The following AGBL4 variants were observed in gnomAD, a reference collection of about 807,000 sequenced individuals.
AGBL4 encodes cytosolic carboxypeptidase 6.
In AGBL4, 58 loss-of-function variants were observed where a neutral mutation model predicts 66.4. The ratio of observed to expected loss-of-function variants is 0.87; its 90% CI spans 0.71 to 1.09. The LOEUF (loss-of-function observed/expected upper bound fraction) is 1.09, where lower values mean the gene tolerates loss of function less well. Ranked by LOEUF, AGBL4 falls within the 50% of genes least tolerant of loss-of-function variation. The pLI is 0.00. For missense variants in AGBL4, 579 were observed against 631.0 expected (o/e 0.92, Z 0.88); for synonymous variants, 234 against 222.9 (o/e 1.05, Z -0.44).
intron 3 of AGBL4, among the ~76,000 whole-genome samples, chr1:49,500,525 G>C (rs1430822346): frequency 6.6e-6 from 1 of 151,676 alleles, no homozygotes; most frequent in Non-Finnish European, 1.5e-5. Context: ...TTAGATTTAA[G>C]TTTTTGACTC....
intron 11 of AGBL4, among the ~76,000 whole-genome samples, chr1:48,577,687 C>T (rs576475890): frequency 2.5e-4 from 35 of 140,672 alleles, no homozygotes; most frequent in Non-Finnish European, 4.9e-4. Flanking sequence ...GCAGCTCAGC[C>T]GGGCACTGCA....
At chr1:49,673,775 T>C (rs1484684632) in intron 3 of AGBL4, among the ~76,000 whole-genome samples, 2 of 151,878 alleles carry the variant, frequency 1.3e-5, no homozygotes, top group Non-Finnish European at 2.9e-5. Flanking sequence ...AAAATAAAGC[T>C]CACAGATCAG....
intron 1 of AGBL4, among the ~76,000 whole-genome samples, chr1:49,869,695 GCA>G (rs1417284876): frequency 6.6e-6 from 1 of 152,050 alleles, no homozygotes; most frequent in Non-Finnish European, 1.5e-5. Context: ...AACCACCATG[GCA>G]CACGTTTACC....
intron 5 of AGBL4, among the ~76,000 whole-genome samples, chr1:48,909,323 T>C (rs1257032329): frequency 6.6e-6 from 1 of 152,168 alleles, no homozygotes; most frequent in Non-Finnish European, 1.5e-5. Flanking sequence ...CAGTACTCAA[T>C]AAGGAATTTA....
At chr1:49,360,142 T>C (rs542611637) in intron 3 of AGBL4, among the ~76,000 whole-genome samples, 2 of 152,292 alleles carry the variant, frequency 1.3e-5, no homozygotes, top group African/African-American at 4.8e-5. Context: ...TGGTCTGAAA[T>C]AATCATCAGT....
chr1:49,060,939 G>A (rs1644391702), intron 4 of AGBL4, among the ~76,000 whole-genome samples: 1 of 152,092 alleles, frequency 6.6e-6, no homozygotes, highest in African/African-American at 2.4e-5. Flanking sequence ...TCAAATCCAG[G>A]GAGCTTAGCC....
intron 3 of AGBL4, among the ~76,000 whole-genome samples, chr1:49,333,365 C>A (rs187275050): frequency 1.3e-5 from 2 of 152,110 alleles, no homozygotes; most frequent in Non-Finnish European, 2.9e-5. Flanking sequence ...GTAATCCCAG[C>A]CACTTGGGAG....
intron 3 of AGBL4, among the ~76,000 whole-genome samples, chr1:49,694,092 T>C (rs1414793472): frequency 6.6e-6 from 1 of 152,190 alleles, no homozygotes; most frequent in Non-Finnish European, 1.5e-5. Context: ...TATTTGATGC[T>C]GCAATTTTTA....
intron 9 of AGBL4, among the ~76,000 whole-genome samples, chr1:48,599,286 C>T (rs147820969): frequency 2.6e-5 from 4 of 152,284 alleles, no homozygotes; most frequent in Non-Finnish European, 4.4e-5. Flanking sequence ...AATACATAAA[C>T]CAGTAACATA....
chr1:49,851,520 T>C lies in AGBL4; in HGVS notation c.35-2A>G. 1 of 1,543,558 alleles carries C rather than the reference T, an allele frequency of 6.5e-7. No homozygotes were observed. Among genetic ancestry groups the C allele is most frequent in the Non-Finnish European group, 8.7e-7 (1 of 1,144,378 alleles). On this transcript the variant is annotated splice_acceptor_variant, in intron 1 of 13. Transcript: ENST00000371839. LOFTEE classifies it high-confidence loss of function. ...CATCATCATTTCCCATATCATTGCCTATTTAAAAAAATTGAAATAAAAGTC... is the reference window on the plus strand; with the variant it reads ...CATCATCATTTCCCATATCATTGCCCATTTAAAAAAATTGAAATAAAAGTC...
At chr1:48,987,546 C>T (rs992661984) in intron 5 of AGBL4, among the ~76,000 whole-genome samples, 4 of 151,786 alleles carry the variant, frequency 2.6e-5, no homozygotes, top group African/African-American at 4.8e-5. Flanking sequence ...TGAACAAATC[C>T]GTAATTATAA....
intron 5 of AGBL4, among the ~76,000 whole-genome samples, chr1:48,944,974 T>G (rs1388064972): frequency 1.3e-5 from 2 of 152,196 alleles, no homozygotes; most frequent in East Asian, 3.9e-4. Context: ...CCAAGCCATG[T>G]GGCTGGTTGG....
chr1:49,148,015 G>A (rs905501144), intron 4 of AGBL4, among the ~76,000 whole-genome samples: 1 of 152,104 alleles, frequency 6.6e-6, no homozygotes, highest in Non-Finnish European at 1.5e-5. Flanking sequence ...AAAGAACTTG[G>A]GTAACAAAAT....
At chr1:49,134,697 T>A (rs1479192838) in intron 4 of AGBL4, among the ~76,000 whole-genome samples, 2 of 151,862 alleles carry the variant, frequency 1.3e-5, no homozygotes, top group African/African-American at 4.8e-5. Flanking sequence ...GGTGCCCAGA[T>A]TTCATATTGT....
At chr1:50,005,564 C>T (rs929385896) in intron 1 of AGBL4, among the ~76,000 whole-genome samples, 1 of 152,148 alleles carries the variant, frequency 6.6e-6, no homozygotes, top group Admixed American at 6.5e-5. Context: ...GCAAAGACTA[C>T]AATAAATACC....
intron 6 of AGBL4, among the ~76,000 whole-genome samples, chr1:48,791,590 A>G (rs1475150146): frequency 6.6e-6 from 1 of 152,220 alleles, no homozygotes; most frequent in Non-Finnish European, 1.5e-5. Flanking sequence ...AAGGCAGTAG[A>G]ATGTAGTGGA....
At chr1:49,106,892 T>C (rs1645303157) in intron 4 of AGBL4, among the ~76,000 whole-genome samples, 1 of 152,168 alleles carries the variant, frequency 6.6e-6, no homozygotes, top group African/African-American at 2.4e-5. Flanking sequence ...TAGAAAATTA[T>C]CTTGTAATGG....
At chr1:49,944,410 GCCTGGTAGA>G (rs1410091205) in intron 1 of AGBL4, among the ~76,000 whole-genome samples, 1 of 152,038 alleles carries the variant, frequency 6.6e-6, no homozygotes, top group Admixed American at 6.6e-5. Context: ...ACAGCCCAAA[GCCTGGTAGA>G]CCTGGTAGAC....
chr1:49,740,600 C>A (rs889947094), intron 2 of AGBL4, among the ~76,000 whole-genome samples: 2 of 152,176 alleles, frequency 1.3e-5, no homozygotes, highest in Admixed American at 1.3e-4. Context: ...AATATACATT[C>A]TTTTCAGCAC....
Sources: gnomAD v4.1 joint callset for allele counts (sites outside exome capture counted in the v4.1 genomes callset) on GRCh38, gnomAD v4.1.1 for gene constraint, MANE v1.5 for transcripts, NCBI Gene and HGNC (gene_info 2026-07-23, HGNC 2026-07-21) for gene names.